Variants in NOVA1 observed in about 807,000 individuals in gnomAD.
The protein encoded by NOVA1 is NOVA alternative splicing regulator 1.
A neutral mutation model predicts 38.0 loss-of-function variants in NOVA1; 7 were observed. The observed-to-expected ratio is 0.18, with a 90% CI of 0.10 to 0.35. The LOEUF is 0.35. NOVA1 is among the 10% of genes least tolerant of loss of function. The pLI is 1.00. For synonymous variants in NOVA1, 270 were observed against 232.5 expected, an observed-to-expected ratio of 1.16 and a Z score of -1.47; for missense variants, 460 against 616.0, an observed-to-expected ratio of 0.75 and a Z score of 2.68.
intron 2 of NOVA1, among the ~76,000 whole-genome samples, chr14:26,591,244 GAGATAAA>G (rs1473385258): frequency 1.3e-5 from 2 of 151,438 alleles, no homozygotes; most frequent in Admixed American, 1.3e-4. Flanking sequence ...TGTAGATATA[GAGATAAA>G]AGATAAAAGT....
chr14:26,589,517 A>C lies in NOVA1; in HGVS notation c.280+5893T>G, dbSNP rs527735734. Reference sequence around the variant, plus strand: ...TGCTACACCTGTCCTGTTTGTTGGAACACTTCAAACTACTCTGCAAAGTGT... The same window carrying C: ...TGCTACACCTGTCCTGTTTGTTGGACCACTTCAAACTACTCTGCAAAGTGT... On this transcript the variant is annotated intron_variant, in intron 2 of 4. Coordinates refer to ENST00000539517, the MANE Select transcript of NOVA1 (RefSeq NM_002515.3). 8.6e-5 allele frequency among the ~76,000 whole-genome samples: 13 copies of C among 151,938 alleles called. No individual in the cohort carries two copies. The South Asian group carries it at 1.2e-3, about 15-fold the overall frequency.
chr14:26,521,458 T>C (rs141955247), intron 2 of NOVA1, among the ~76,000 whole-genome samples: 52 of 152,242 alleles, frequency 3.4e-4, no homozygotes, highest in Middle Eastern at 6.8e-3. Context: ...ATTGTTTGCC[T>C]TTGTGTTTTT....
intron 2 of NOVA1, among the ~76,000 whole-genome samples, chr14:26,582,801 C>A (rs1893303182): frequency 6.6e-6 from 1 of 151,496 alleles, no homozygotes; most frequent in Admixed American, 6.6e-5. Flanking sequence ...GTAAAGAGTC[C>A]ATCAGACTTA....
intron 2 of NOVA1, among the ~76,000 whole-genome samples, chr14:26,544,597 A>T (rs1236710834): frequency 6.6e-6 from 1 of 152,000 alleles, no homozygotes; most frequent in Non-Finnish European, 1.5e-5. Flanking sequence ...ATTGGAGGAG[A>T]ATTTAAAACT....
intron 2 of NOVA1, among the ~76,000 whole-genome samples, chr14:26,563,876 C>T (rs1891972825): frequency 6.6e-6 from 1 of 152,032 alleles, no homozygotes; most frequent in Admixed American, 6.6e-5. Flanking sequence ...ATACAAAAAA[C>T]TCAAATAACT....
chr14:26,579,050 ATTCTT>A (rs1223187019), intron 2 of NOVA1, among the ~76,000 whole-genome samples: 16 of 76,628 alleles, frequency 2.1e-4, no homozygotes, highest in African/African-American at 5.9e-4. Flanking sequence ...AGCAGGTGGT[ATTCTT>A]TTTTTTTTTT....
chr14:26,500,423 G>T (rs2138402563), intron 2 of NOVA1, among the ~76,000 whole-genome samples: 1 of 151,964 alleles, frequency 6.6e-6, no homozygotes, highest in East Asian at 1.9e-4. Flanking sequence ...TGAGGTAAGG[G>T]GCCATCCCAG....
chr14:26,597,259 G>A lies in NOVA1; in HGVS notation c.136+42C>T, dbSNP rs201908133. On this transcript the variant is annotated intron_variant, in intron 1 of 4. Coordinates refer to ENST00000539517, the MANE Select transcript of NOVA1 (RefSeq NM_002515.3). ...GCGAGGGAGGGAGGCAGGGGCGGGCGGCGGGGGATGGGGCCAGCGGGGAGG... is the reference window on the plus strand; with the variant it reads ...GCGAGGGAGGGAGGCAGGGGCGGGCAGCGGGGGATGGGGCCAGCGGGGAGG... 70 of 1,225,212 alleles carry A rather than the reference G, an allele frequency of 5.7e-5. 1 individual carries two copies. In the Admixed American group the frequency reaches 2.9e-3, roughly 50 times the overall value. The allele number at this position is 1,225,212 out of a possible 1,614,324, so 75.9% of individuals were successfully genotyped here.
intron 2 of NOVA1, among the ~76,000 whole-genome samples, chr14:26,543,679 CATTCATAGAA>C (rs1890611015): frequency 6.6e-6 from 1 of 151,940 alleles, no homozygotes; most frequent in Non-Finnish European, 1.5e-5. Flanking sequence ...AATGGATGGA[CATTCATAGAA>C]AAGCAAGCTT....
At chr14:26,550,106 T>C (rs901799716) in intron 2 of NOVA1, among the ~76,000 whole-genome samples, 1 of 152,106 alleles carries the variant, frequency 6.6e-6, no homozygotes, top group African/African-American at 2.4e-5. Context: ...TGTTAAAAAA[T>C]AAAACCCAAA....
intron 2 of NOVA1, among the ~76,000 whole-genome samples, chr14:26,574,918 C>A (rs184672059): frequency 1.3e-5 from 2 of 152,280 alleles, no homozygotes; most frequent in African/African-American, 4.8e-5. Context: ...TGCCTCTCAG[C>A]CTCCCAAAGT....
rs1489327095 is a variant in NOVA1 at position 26,597,362 on chromosome 14, C to G, written c.75G>C (p.Ser25=). The G allele has an allele frequency of 7.8e-7, 1 of 1,274,940 alleles. No homozygotes were observed. Among genetic ancestry groups the G allele is most frequent in the African/African-American group, 1.5e-5 (1 of 66,030 alleles). The allele number at this position is 1,274,940 out of a possible 1,614,324, so 79.0% of individuals were successfully genotyped here. ...GGGGGGCTTCCAGCGGCCTTTTCCG[C>G]GAGTCCGGCGGGTCCAGGTCTATGG... ...GVPIDLDPPD[S]RKRPLEAPPE... The change falls in exon 1 of 5, where the codon TCG becomes TCC. Residue 25 remains serine, a synonymous_variant. Transcript: ENST00000539517.
At chr14:26,489,073 T>C (rs1369489566) in intron 2 of NOVA1, among the ~76,000 whole-genome samples, 12 of 152,080 alleles carry the variant, frequency 7.9e-5, no homozygotes, top group Non-Finnish European at 7.4e-5. Flanking sequence ...TGCAGCATGG[T>C]AACGAATCAG....
At chr14:26,513,940 T>C (rs1888277782) in intron 2 of NOVA1, among the ~76,000 whole-genome samples, 1 of 151,704 alleles carries the variant, frequency 6.6e-6, no homozygotes, top group Non-Finnish European at 1.5e-5. Flanking sequence ...CATTCATTAA[T>C]AAAATAGTGT....
At chr14:26,458,756 C>T (rs937042277) in intron 4 of NOVA1, among the ~76,000 whole-genome samples, 2 of 151,868 alleles carry the variant, frequency 1.3e-5, no homozygotes, top group Non-Finnish European at 2.9e-5. Flanking sequence ...CAAACCTCAA[C>T]GACATGCAAA....
intron 2 of NOVA1, among the ~76,000 whole-genome samples, chr14:26,518,376 T>C (rs907668199): frequency 2.6e-5 from 4 of 152,018 alleles, no homozygotes; most frequent in African/African-American, 9.6e-5. Flanking sequence ...GCCATTATTA[T>C]TATAAATTAG....
At chr14:26,479,099 T>G (rs1006457411) in intron 3 of NOVA1, 6 of 152,010 alleles carry the variant, frequency 3.9e-5, no homozygotes, top group Non-Finnish European at 8.8e-5. Context: ...ATGAGTATTC[T>G]GTAAATTAAA....
intron 2 of NOVA1, among the ~76,000 whole-genome samples, chr14:26,567,199 A>C (rs1892185783): frequency 6.6e-6 from 1 of 152,090 alleles, no homozygotes; most frequent in African/African-American, 2.4e-5. Context: ...GAGTATAATC[A>C]AATTTAATTG....
intron 3 of NOVA1, 84 bp from the exon 4 acceptor site, chr14:26,472,475 G>GTT: frequency 1.8e-6 from 1 of 563,266 alleles, no homozygotes; most frequent in South Asian, 7.9e-5. Context: ...AAAATAAAAT[G>GTT]TAATATAACG....
Sources: gnomAD v4.1 joint callset for allele counts (sites outside exome capture counted in the v4.1 genomes callset) on GRCh38, gnomAD v4.1.1 for gene constraint, MANE v1.5 for transcripts, NCBI Gene and HGNC (gene_info 2026-07-23, HGNC 2026-07-21) for gene names.